RAB11FIP4: variants seen among roughly 807,000 people sequenced by gnomAD.
RAB11FIP4 encodes the protein RAB11 family interacting protein 4.
RAB11FIP4 carries 23 observed loss-of-function variants against 74.3 expected under a neutral mutation model. That is an observed-to-expected ratio of 0.31 (90% confidence interval 0.22 to 0.44). The LOEUF (loss-of-function observed/expected upper bound fraction) is 0.44. Ranked by LOEUF, RAB11FIP4 falls within the 20% of genes least tolerant of loss-of-function variation. The probability of loss-of-function intolerance (pLI) is 1.00; values close to 1 mark genes in which losing one functional copy is unlikely to be tolerated. For missense variants in RAB11FIP4, 630 were observed against 863.9 expected, an observed-to-expected ratio of 0.73 and a Z score of 3.39; for synonymous variants, 360 against 359.9, an observed-to-expected ratio of 1.00 and a Z score of 0.00.
chr17:31,395,611 A>T (rs911815135), intron 1 of RAB11FIP4, among the ~76,000 whole-genome samples: 1 of 152,216 alleles, frequency 6.6e-6, no homozygotes, highest in Admixed American at 6.5e-5. Context: ...TCCGAGAGGC[A>T]TTCTACAAAA....
At chr17:31,503,623 T>G (rs373879869) in intron 3 of RAB11FIP4, among the ~76,000 whole-genome samples, 1 of 149,764 alleles carries the variant, frequency 6.7e-6, no homozygotes, top group East Asian at 1.9e-4. Context: ...AGGACTGTTA[T>G]GACTGTGAAT....
intron 3 of RAB11FIP4, 60 bp from the exon 4 acceptor site, chr17:31,517,591 G>A: frequency 2.0e-6 from 3 of 1,487,584 alleles, no homozygotes; most frequent in Non-Finnish European, 2.8e-6. Context: ...TGGTCTGATT[G>A]GAACACTGAG....
chr17:31,445,500 A>G (rs560548615), intron 3 of RAB11FIP4, among the ~76,000 whole-genome samples: 5 of 140,500 alleles, frequency 3.6e-5, no homozygotes, highest in African/African-American at 1.3e-4. Context: ...TTTGTTACCT[A>G]TTGTAAAATC....
chr17:31,457,270 G>A (rs886880379), intron 3 of RAB11FIP4, among the ~76,000 whole-genome samples: 5 of 152,104 alleles, frequency 3.3e-5, no homozygotes, highest in African/African-American at 1.2e-4. Context: ...TGTGCCCTGC[G>A]CTGGGCCTGA....
intron 3 of RAB11FIP4, 60 bp from the exon 4 acceptor site, chr17:31,517,591 G>T: frequency 6.7e-7 from 1 of 1,487,580 alleles, no homozygotes; most frequent in South Asian, 1.2e-5. Context: ...TGGTCTGATT[G>T]GAACACTGAG....
At chr17:31,458,984 G>A (rs1314911586) in intron 3 of RAB11FIP4, among the ~76,000 whole-genome samples, 1 of 152,082 alleles carries the variant, frequency 6.6e-6, no homozygotes, top group African/African-American at 2.4e-5. Flanking sequence ...TAACTCCAAG[G>A]GGCACTATTA....
In RAB11FIP4 at chr17:31,537,551, C is replaced by T. The variant is rs1390064897; in HGVS notation, c.*5819C>T. 4.8e-6 allele frequency: 1 copy of T among 209,148 alleles called. No homozygotes were observed. The highest frequency in any genetic ancestry group is 2.3e-5 in the African/African-American group (1 of 43,858). 13.0% of individuals were successfully genotyped at this position (209,148 alleles called of 1,614,324 possible). ...ACTCTTTAACCTGGGGCATTGGCCC[C>T]AGCAGGGATATCATGGGACCGCAGC... On this transcript the variant is annotated 3_prime_UTR_variant, in exon 15 of 15. Coordinates refer to ENST00000621161, the MANE Select transcript of RAB11FIP4 (RefSeq NM_032932.6).
At chr17:31,489,060 G>A (rs1223362379) in intron 3 of RAB11FIP4, among the ~76,000 whole-genome samples, 1 of 152,142 alleles carries the variant, frequency 6.6e-6, no homozygotes, top group Non-Finnish European at 1.5e-5. Context: ...CACCTCACTC[G>A]CCCCGAGGGC....
chr17:31,406,666 ATTTC>A (rs1162339434), intron 1 of RAB11FIP4, among the ~76,000 whole-genome samples: 1 of 152,088 alleles, frequency 6.6e-6, no homozygotes, highest in African/African-American at 2.4e-5. Flanking sequence ...TACTCTTGGT[ATTTC>A]TTTCTGCATA....
At chr17:31,472,743 G>A (rs1052932924) in intron 3 of RAB11FIP4, among the ~76,000 whole-genome samples, 2 of 152,090 alleles carry the variant, frequency 1.3e-5, no homozygotes, top group African/African-American at 4.8e-5. Flanking sequence ...ACAGAAGTGA[G>A]GGATGGAGGC....
At chr17:31,450,777 T>C (rs2071519456) in intron 3 of RAB11FIP4, among the ~76,000 whole-genome samples, 1 of 152,060 alleles carries the variant, frequency 6.6e-6, no homozygotes, top group South Asian at 2.1e-4. Flanking sequence ...TGCCTTCGGC[T>C]CCAGTCTCTT....
chr17:31,436,686 C>T (rs2151629510), intron 3 of RAB11FIP4, among the ~76,000 whole-genome samples: 1 of 151,976 alleles, frequency 6.6e-6, no homozygotes, highest in African/African-American at 2.4e-5. Flanking sequence ...AAGCCTGGTG[C>T]TTCTCCTTGT....
chr17:31,503,997 A>G (rs917222168), intron 3 of RAB11FIP4, among the ~76,000 whole-genome samples: 2 of 149,774 alleles, frequency 1.3e-5, no homozygotes, highest in Non-Finnish European at 2.9e-5. Context: ...AATGAAAACT[A>G]TAATGAGATA....
At chr17:31,442,985 C>T (rs1434645851) in intron 3 of RAB11FIP4, among the ~76,000 whole-genome samples, 1 of 151,556 alleles carries the variant, frequency 6.6e-6, no homozygotes, top group East Asian at 1.9e-4. Context: ...GAAAAGGATG[C>T]AAAATATTAA....
Position 31,429,918 on chromosome 17 carries a change from C to A in RAB11FIP4, c.160-1895C>A, listed in dbSNP as rs555522354. Among the ~76,000 whole-genome samples the A allele has an allele frequency of 2.5e-4, 38 of 151,930 alleles. No individual in the cohort carries two copies. In the South Asian group the frequency reaches 7.9e-3, roughly 32 times the overall value. On this transcript the variant is annotated intron_variant, in intron 1 of 14. Transcript: ENST00000621161. The stretch of plus-strand genomic sequence containing the variant: ...GTCCTGATCCCGTGTACCTGAATTG[C>A]AATTCTTTGTTTCCCAAATAAACGC...
intron 1 of RAB11FIP4, among the ~76,000 whole-genome samples, chr17:31,401,050 C>T (rs550692844): frequency 2.0e-4 from 31 of 152,262 alleles, no homozygotes; most frequent in Admixed American, 5.2e-4. Context: ...AGGCAGATCA[C>T]GAGGTCAGGA....
chr17:31,529,900 G>A (rs755875717), intron 13 of RAB11FIP4, among the ~76,000 whole-genome samples: 12 of 152,320 alleles, frequency 7.9e-5, no homozygotes, highest in East Asian at 1.9e-4. Context: ...GTCCGCCTGG[G>A]TCAACTCCAA....
chr17:31,442,364 A>T (rs1025546374), intron 3 of RAB11FIP4, among the ~76,000 whole-genome samples: 1 of 152,202 alleles, frequency 6.6e-6, no homozygotes, highest in Non-Finnish European at 1.5e-5. Flanking sequence ...AATCATTCTT[A>T]TAGCTAAGTA....
At chr17:31,468,616 G>A (rs1597935096) in intron 3 of RAB11FIP4, among the ~76,000 whole-genome samples, 3 of 152,106 alleles carry the variant, frequency 2.0e-5, no homozygotes, top group Middle Eastern at 6.8e-3. Context: ...GGACCACAAG[G>A]TCAAGAGATT....
Sources: gnomAD v4.1 joint callset for allele counts (sites outside exome capture counted in the v4.1 genomes callset) on GRCh38, gnomAD v4.1.1 for gene constraint, MANE v1.5 for transcripts, NCBI Gene and HGNC (gene_info 2026-07-23, HGNC 2026-07-21) for gene names.